The following ADAMTS20 variants were observed in gnomAD, a reference collection of about 807,000 sequenced individuals.
The protein encoded by ADAMTS20 is ADAM metallopeptidase with thrombospondin type 1 motif 20.
ADAMTS20 carries 225 observed loss-of-function variants against 260.1 expected under a neutral mutation model. The observed-to-expected ratio is 0.87, with a 90% confidence interval of 0.78 to 0.97. The LOEUF is 0.97. Ranked by LOEUF, ADAMTS20 falls within the 50% of genes least tolerant of loss-of-function variation. ADAMTS20 has a pLI of 0.00. For missense variants in ADAMTS20, 2,400 were observed against 2,337.7 expected (o/e 1.03, Z -0.55); for synonymous variants, 802 against 769.5 (o/e 1.04, Z -0.70).
chr12:43,478,995 C>T (rs1942401357), intron 7 of ADAMTS20, among the ~76,000 whole-genome samples: 1 of 152,118 alleles, frequency 6.6e-6, no homozygotes, highest in Non-Finnish European at 1.5e-5. Context: ...CTGGCACAAA[C>T]TCAGGGTAGT....
chr12:43,453,964 C>T lies in ADAMTS20; in HGVS notation c.1703G>A (p.Cys568Tyr), dbSNP rs1407684080. The T allele has an allele frequency of 2.5e-6, 4 of 1,613,010 alleles. No individual in the cohort carries two copies. Among genetic ancestry groups the T allele is most frequent in the Non-Finnish European group, 3.4e-6 (4 of 1,179,552 alleles). The change falls in exon 12 of 39, where the codon TGT (cysteine) becomes TAT (tyrosine). Residue 568 changes from cysteine (C) to tyrosine (Y), a missense_variant. Cys to Tyr is a radical substitution (Grantham distance 194, BLOSUM62 -2). Transcript: ENST00000389420. ...EWGPWEPYSSCSRTCGGGIES... is the reference protein window; with the variant it reads ...EWGPWEPYSSYSRTCGGGIES... Reference sequence around the variant, plus strand: ...GATTCCGCCTCCACATGTTCTTGAACAAGAACTGTAAGGTTCCCATGGTCC... The same window carrying T: ...GATTCCGCCTCCACATGTTCTTGAATAAGAACTGTAAGGTTCCCATGGTCC...
In ADAMTS20 at chr12:43,354,188, A is replaced by G. The variant is rs141789635; in HGVS notation, c.*21T>C. 5.0e-5 allele frequency: 76 copies of G among 1,525,260 alleles called. No individual in the cohort carries two copies. The East Asian group carries it at 1.8e-3, about 36-fold the overall frequency. 94.5% of individuals were successfully genotyped at this position (1,525,260 alleles called of 1,614,324 possible). A position where few individuals can be genotyped will look rare whatever the true frequency, so the allele number is the denominator to read the frequency against. On this transcript the variant is annotated 3_prime_UTR_variant, in exon 39 of 39. Coordinates refer to ENST00000389420, the MANE Select transcript of ADAMTS20 (RefSeq NM_025003.5). ...CCAGAGAATATCCCCTCTTTAGGGC[A>G]TACTTCCCCCTTCTAAATGTTCATA...
At chr12:43,463,856 G>A (rs1212120464) in intron 10 of ADAMTS20, among the ~76,000 whole-genome samples, 13 of 152,088 alleles carry the variant, frequency 8.5e-5, no homozygotes, top group Non-Finnish European at 1.2e-4. Flanking sequence ...TCTACATTCC[G>A]GAATTGGTCC....
chr12:43,463,381 G>A (rs1020317628), intron 10 of ADAMTS20, among the ~76,000 whole-genome samples: 2 of 152,042 alleles, frequency 1.3e-5, no homozygotes, highest in Non-Finnish European at 2.9e-5. Flanking sequence ...TGGAATGTAT[G>A]AATAATCTGC....
intron 29 of ADAMTS20, among the ~76,000 whole-genome samples, chr12:43,398,362 C>A (rs537930408): frequency 6.6e-6 from 1 of 152,220 alleles, no homozygotes; most frequent in Admixed American, 6.6e-5. Flanking sequence ...GTATCAATTA[C>A]CCTTCTTTTA....
At chr12:43,398,579 G>C (rs1940748909) in intron 29 of ADAMTS20, among the ~76,000 whole-genome samples, 3 of 152,212 alleles carry the variant, frequency 2.0e-5, no homozygotes, top group Admixed American at 6.5e-5. Context: ...CCAAGATTTG[G>C]GGGTAGAAAC....
intron 37 of ADAMTS20, among the ~76,000 whole-genome samples, chr12:43,365,943 T>A (rs1346499473): frequency 6.6e-6 from 1 of 151,606 alleles, no homozygotes; most frequent in Non-Finnish European, 1.5e-5. Context: ...AAACATTCAC[T>A]GAATAAAAAG....
chr12:43,449,519 AAGTAACT>A (rs1449252615), intron 14 of ADAMTS20, among the ~76,000 whole-genome samples: 1 of 152,088 alleles, frequency 6.6e-6, no homozygotes, highest in Admixed American at 6.6e-5. Context: ...GGATCAGAAA[AAGTAACT>A]ATTGGATACT....
intron 18 of ADAMTS20, 97 bp downstream of exon 18, chr12:43,439,525 G>C: frequency 1.4e-6 from 2 of 1,404,548 alleles, no homozygotes; most frequent in Admixed American, 2.2e-5. Context: ...TGTATGGACA[G>C]TGGGGAGGAT....
chr12:43,413,835 T>G (rs1941078207), intron 28 of ADAMTS20, among the ~76,000 whole-genome samples: 1 of 152,124 alleles, frequency 6.6e-6, no homozygotes, highest in East Asian at 1.9e-4. Flanking sequence ...ATTTCTTCCC[T>G]TTTCAGTCCT....
chr12:43,466,813 C>T lies in ADAMTS20; in HGVS notation c.1224-18G>A. ...CACCAAGTCTAAAAATAAAAATAAA[C>T]ACTTAAAAGGAATATCAAAAGATGC... On this transcript the variant is annotated intron_variant, in intron 8 of 38. Transcript: ENST00000389420. 1 of 1,551,374 alleles carries T rather than the reference C, an allele frequency of 6.4e-7. No homozygotes were observed. The highest frequency in any genetic ancestry group is 1.1e-5 in the South Asian group (1 of 87,034).
chr12:43,520,438 A>G (rs1191118269), intron 3 of ADAMTS20, among the ~76,000 whole-genome samples: 3 of 152,170 alleles, frequency 2.0e-5, no homozygotes, highest in Admixed American at 6.6e-5. Flanking sequence ...ACAACCAAGA[A>G]GGGAAGTGGG....
At chr12:43,478,735 C>T (rs1942397297) in intron 7 of ADAMTS20, among the ~76,000 whole-genome samples, 1 of 152,142 alleles carries the variant, frequency 6.6e-6, no homozygotes, top group Non-Finnish European at 1.5e-5. Flanking sequence ...GAGAAAATAA[C>T]TGTCAACCTA....
At position 43,490,382 on chromosome 12, in the gene ADAMTS20, C is replaced by G. The variant is rs1565570009; in HGVS notation, c.1117+13G>C. On this transcript the variant is annotated intron_variant, in intron 7 of 38. Coordinates refer to ENST00000389420, the MANE Select transcript of ADAMTS20 (RefSeq NM_025003.5). ...AATTACATAAGCTAAACTTAATTGA[C>G]AAAATAACTTACCTAACATGTTACA... The G allele has an allele frequency of 8.3e-7, 1 of 1,205,230 alleles. No individual in the cohort carries two copies. The highest frequency in any genetic ancestry group is 2.9e-5 in the East Asian group (1 of 34,420). The allele number at this position is 1,205,230 out of a possible 1,614,324, so 74.7% of individuals were successfully genotyped here. A position where few individuals can be genotyped will look rare whatever the true frequency, so the allele number is the denominator to read the frequency against.
Position 43,383,983 on chromosome 12 carries a change from A to T in ADAMTS20, c.4453-6T>A, listed in dbSNP as rs764605745. On this transcript the variant is annotated splice_polypyrimidine_tract_variant and splice_region_variant and intron_variant, in intron 29 of 38. Coordinates refer to ENST00000389420, the MANE Select transcript of ADAMTS20 (RefSeq NM_025003.5). ...GAGCCACAGGTCACAGAGCACTACAAAGGAGTCCAGTTGATTTGAACAATT... is the reference window on the plus strand; with the variant it reads ...GAGCCACAGGTCACAGAGCACTACATAGGAGTCCAGTTGATTTGAACAATT... 1 of 1,602,792 alleles carries T rather than the reference A, an allele frequency of 6.2e-7. No homozygotes were observed. The highest frequency in any genetic ancestry group is 2.2e-5 in the East Asian group (1 of 44,688).
At chr12:43,424,363 A>T (rs1207143413) in intron 28 of ADAMTS20, among the ~76,000 whole-genome samples, 1 of 152,142 alleles carries the variant, frequency 6.6e-6, no homozygotes, top group Non-Finnish European at 1.5e-5. Context: ...TATGGCTCCA[A>T]TAAAAACCCA....
At chr12:43,515,595 A>G (rs1031012185) in intron 3 of ADAMTS20, among the ~76,000 whole-genome samples, 1 of 152,318 alleles carries the variant, frequency 6.6e-6, no homozygotes, top group East Asian at 1.9e-4. Flanking sequence ...GATTTTGTAA[A>G]ATAAGAAATA....
intron 14 of ADAMTS20, among the ~76,000 whole-genome samples, chr12:43,449,626 G>A (rs946657552): frequency 4.6e-5 from 7 of 151,806 alleles, no homozygotes; most frequent in African/African-American, 1.7e-4. Flanking sequence ...ATATACCCCT[G>A]AACCTAAAAT....
At chr12:43,408,030 C>T (rs976488701) in intron 28 of ADAMTS20, among the ~76,000 whole-genome samples, 2 of 152,130 alleles carry the variant, frequency 1.3e-5, no homozygotes, top group African/African-American at 4.8e-5. Flanking sequence ...CATCCAGTAA[C>T]ATGAACCTTT....
Sources: allele counts gnomAD v4.1 joint callset (sites outside exome capture counted in the v4.1 genomes callset), GRCh38; gene constraint gnomAD v4.1.1; transcripts MANE v1.5; gene names NCBI Gene and HGNC (gene_info 2026-07-23, HGNC 2026-07-21).